The following TANGO2 variants were observed in gnomAD, a reference collection of about 807,000 sequenced individuals.
TANGO2 encodes the protein transport and golgi organization 2 homolog.
Under a neutral mutation model 39.1 loss-of-function variants are expected in TANGO2, and 26 were observed. The observed-to-expected ratio is 0.67, with a 90% CI of 0.49 to 0.92. The LOEUF (loss-of-function observed/expected upper bound fraction) is 0.92, where lower values mean the gene tolerates loss of function less well. TANGO2 is among the 40% of genes least tolerant of loss of function. The pLI, the probability that TANGO2 is intolerant of heterozygous loss-of-function variation, is 0.00. For synonymous variants in TANGO2, 131 were observed against 144.5 expected, an observed-to-expected ratio of 0.91 and a Z score of 0.67; for missense variants, 326 against 360.1, an observed-to-expected ratio of 0.91 and a Z score of 0.77.
At position 20,021,262 on chromosome 22, in the gene TANGO2, G is replaced by GCACTTCCT. The variant is rs894707093; in HGVS notation, c.-40+20_-40+27dup. ...CTGCTTGAAGGTGGGTGGGCTGGCC[G>GCACTTCCT]CACTTCCTCACCCTGCCTCAGTTTC... On this transcript the variant is annotated intron_variant, in intron 1 of 8. Transcript: ENST00000327374. 14 of 152,412 alleles carry GCACTTCCT rather than the reference G, an allele frequency of 9.2e-5. No individual in the cohort carries two copies. The highest frequency in any genetic ancestry group is 3.4e-4 in the African/African-American group (14 of 41,458). The allele number at this position is 152,412 out of a possible 1,614,324, so 9.4% of individuals were successfully genotyped here. A position where few individuals can be genotyped will look rare whatever the true frequency, so the allele number is the denominator to read the frequency against.
chr22:20,017,537 C>T (rs1247793898), upstream of TANGO2, among the ~76,000 whole-genome samples: 8 of 152,206 alleles, frequency 5.3e-5, no homozygotes, highest in South Asian at 1.4e-3. Flanking sequence ...TTGTCCCACC[C>T]TGCAGGCCCC....
rs542301920 is a variant in TANGO2, at chr22:20,037,807, G to A, written c.56+953G>A. Among the ~76,000 whole-genome samples the A allele has an allele frequency of 8.5e-5, 13 of 152,300 alleles. No individual in the cohort carries two copies. The East Asian group carries it at 2.1e-3, about 25-fold the overall frequency. ...GTGAGTGAACAGAACTCTAAAGAAT[G>A]TAGGGGCTGGCCGAGCACGGTGGCT... On this transcript the variant is annotated intron_variant, in intron 2 of 8. Transcript: ENST00000327374.
chr22:20,023,326 C>T lies in TANGO2; in HGVS notation c.-40+2080C>T, dbSNP rs377759509. Among the ~76,000 whole-genome samples, 12 of 152,168 alleles carry T rather than the reference C, an allele frequency of 7.9e-5. No homozygotes were observed. The East Asian group carries it at 9.7e-4, about 12-fold the overall frequency. On this transcript the variant is annotated intron_variant, in intron 1 of 8. Coordinates refer to ENST00000327374, the MANE Select transcript of TANGO2 (RefSeq NM_152906.7). ...TTTTGTTTTTACTAACCACTCAGGC[C>T]GCAGGGGCCGCTGCGAGGCTGGCCT...
intron 1 of TANGO2, among the ~76,000 whole-genome samples, chr22:20,021,581 C>G (rs565640547): frequency 6.6e-6 from 1 of 152,334 alleles, no homozygotes; most frequent in African/African-American, 2.4e-5. Context: ...TGCTGCGGGC[C>G]AGCAGGGTGA....
intron 1 of TANGO2, among the ~76,000 whole-genome samples, chr22:20,031,634 A>G (rs1569245196): frequency 6.6e-6 from 1 of 152,114 alleles, no homozygotes; most frequent in East Asian, 1.9e-4. Context: ...TGCTTTCAAG[A>G]TGATGTTTCT....
At chr22:20,037,740 C>G (rs1189909989) in intron 2 of TANGO2, among the ~76,000 whole-genome samples, 1 of 152,152 alleles carries the variant, frequency 6.6e-6, no homozygotes. Context: ...TAGGAAAGAA[C>G]TATTGACTGC....
intron 1 of TANGO2, among the ~76,000 whole-genome samples, chr22:20,026,626 G>A (rs957467081): frequency 1.3e-5 from 2 of 152,268 alleles, no homozygotes; most frequent in African/African-American, 4.8e-5. Flanking sequence ...GCCTGGGACA[G>A]GCACATGGTT....
intron 1 of TANGO2, among the ~76,000 whole-genome samples, chr22:20,023,253 G>C (rs1050492365): frequency 2.0e-5 from 3 of 152,158 alleles, no homozygotes; most frequent in Non-Finnish European, 4.4e-5. Context: ...AACTTGAAGT[G>C]CTTGCCTTCA....
intron 1 of TANGO2, among the ~76,000 whole-genome samples, chr22:20,036,299 G>A (rs372979802): frequency 1.3e-5 from 2 of 152,200 alleles, no homozygotes; most frequent in Non-Finnish European, 2.9e-5. Context: ...TGTCGAAACT[G>A]TGCTGGGTGT....
intron 4 of TANGO2, among the ~76,000 whole-genome samples, chr22:20,052,985 C>T (rs942102393): frequency 5.3e-5 from 8 of 152,112 alleles, no homozygotes; most frequent in Admixed American, 1.3e-4. Flanking sequence ...CCTCTGGCGT[C>T]GCAGCCAGGA....
chr22:20,045,803 G>A (rs2045066747), intron 3 of TANGO2, among the ~76,000 whole-genome samples: 1 of 151,972 alleles, frequency 6.6e-6, no homozygotes, highest in African/African-American at 2.4e-5. Flanking sequence ...GCACCCAGCG[G>A]CCATTACTTT....
chr22:20,066,021 C>G lies in TANGO2; in HGVS notation c.*1359C>G, dbSNP rs1459502073. On this transcript the variant is annotated 3_prime_UTR_variant, in exon 9 of 9. Transcript: ENST00000327374. ...CTGGACGAGGCCCTTCCCACCTCCCCCTTTCCTCACGGCTTCTTCAGCACC... is the reference window on the plus strand; with the variant it reads ...CTGGACGAGGCCCTTCCCACCTCCCGCTTTCCTCACGGCTTCTTCAGCACC... The G allele has an allele frequency of 1.3e-5, 2 of 152,468 alleles. No homozygotes were observed. Among genetic ancestry groups the G allele is most frequent in the Admixed American group, 1.3e-4 (2 of 15,292 alleles). The allele number at this position is 152,468 out of a possible 1,614,324, so 9.4% of individuals were successfully genotyped here.
Position 20,063,558 on chromosome 22 carries a change from T to C in TANGO2, c.710+116T>C, listed in dbSNP as rs1373942726. On this transcript the variant is annotated intron_variant, in intron 8 of 8. Coordinates refer to ENST00000327374, the MANE Select transcript of TANGO2 (RefSeq NM_152906.7). The stretch of plus-strand genomic sequence containing the variant: ...GAGCCAGGCTTCTTCCTCGCCTGAG[T>C]GGATTCCAGAGCTTCTGCCCTGTCC... 3 of 934,024 alleles carry C rather than the reference T, an allele frequency of 3.2e-6. No homozygotes were observed. The African/African-American group carries it at 5.0e-5, about 15-fold the overall frequency. The allele number at this position is 934,024 out of a possible 1,614,324, so 57.9% of individuals were successfully genotyped here. A position where few individuals can be genotyped will look rare whatever the true frequency, so the allele number is the denominator to read the frequency against.
rs1036098015 is a variant in TANGO2 at position 20,043,439 on chromosome 22, CAGT to C, written c.142_144del (p.Ser48del). ...TCTGGGGGAACAACAACGAGATCCT[CAGT>C]GGTGAGTCTTCCTGCGTGCTCAGCG... On this transcript the variant is annotated inframe_deletion and splice_region_variant, in exon 3 of 9. Coordinates refer to ENST00000327374, the MANE Select transcript of TANGO2 (RefSeq NM_152906.7). 1.2e-6 allele frequency: 2 copies of C among 1,611,292 alleles called. No homozygotes were observed. Among genetic ancestry groups the C allele is most frequent in the Non-Finnish European group, 1.7e-6 (2 of 1,177,658 alleles).
At chr22:20,051,601 C>T (rs1190403339) in intron 3 of TANGO2, among the ~76,000 whole-genome samples, 6 of 152,166 alleles carry the variant, frequency 3.9e-5, no homozygotes, top group African/African-American at 1.4e-4. Context: ...CCTGTAATCC[C>T]AGCACTTTGG....
chr22:20,019,874 C>T (rs751849948), upstream of TANGO2, among the ~76,000 whole-genome samples: 7 of 152,238 alleles, frequency 4.6e-5, no homozygotes, highest in Non-Finnish European at 8.8e-5. Flanking sequence ...GTCTGCGGCC[C>T]GCTGGCCATG....
intron 1 of TANGO2, among the ~76,000 whole-genome samples, chr22:20,024,762 C>T (rs2040408372): frequency 2.0e-5 from 3 of 152,204 alleles, no homozygotes; most frequent in Non-Finnish European, 2.9e-5. Flanking sequence ...GCTTAGCACA[C>T]ATCCCCTCTG....
At chr22:20,055,374 C>G (rs1207100811) in intron 5 of TANGO2, 3 of 159,098 alleles carry the variant, frequency 1.9e-5, no homozygotes, top group African/African-American at 7.2e-5. Context: ...GTCCTCCCTC[C>G]TTAGTCTCCA....
At chr22:20,029,777 G>A (rs945430158) in intron 1 of TANGO2, among the ~76,000 whole-genome samples, 2 of 152,168 alleles carry the variant, frequency 1.3e-5, no homozygotes, top group Non-Finnish European at 2.9e-5. Flanking sequence ...TTAGTTCCCC[G>A]GCCTCCCTGC....
Sources: gnomAD v4.1 joint callset for allele counts (sites outside exome capture counted in the v4.1 genomes callset) on GRCh38, gnomAD v4.1.1 for gene constraint, MANE v1.5 for transcripts, NCBI Gene and HGNC (gene_info 2026-07-23, HGNC 2026-07-21) for gene names.